RORA: variants seen among roughly 807,000 people sequenced by gnomAD.
RORA encodes the protein RAR related orphan receptor A.
Under a neutral mutation model 69.5 loss-of-function variants are expected in RORA, and 7 were observed. The observed-to-expected ratio is 0.10, with a 90% CI of 0.06 to 0.19. The LOEUF is 0.19. Among genes scored for constraint, RORA ranks in the 10% least tolerant of loss-of-function variants. RORA has a pLI of 1.00. For synonymous variants in RORA, 261 were observed against 240.8 expected (o/e 1.08, Z -0.78); for missense variants, 457 against 663.0 (o/e 0.69, Z 3.41).
chr15:60,889,008 TCA>T (rs2073782428), intron 1 of RORA, among the ~76,000 whole-genome samples: 1 of 152,222 alleles, frequency 6.6e-6, no homozygotes, highest in South Asian at 2.1e-4. Context: ...CAGAAGCTGC[TCA>T]CGCTGTTTAA....
intron 1 of RORA, among the ~76,000 whole-genome samples, chr15:60,686,061 T>G (rs1220309945): frequency 6.6e-6 from 1 of 151,956 alleles, no homozygotes; most frequent in African/African-American, 2.4e-5. Flanking sequence ...TTTTTTGAAT[T>G]CAAAAAAAAA....
At chr15:61,133,641 T>C (rs189111023) in intron 1 of RORA, among the ~76,000 whole-genome samples, 187 of 152,306 alleles carry the variant, frequency 1.2e-3, no homozygotes, top group African/African-American at 4.2e-3. Flanking sequence ...TTGGCTCGAA[T>C]GGAGGTACTC....
At chr15:60,951,384 A>C (rs900599254) in intron 1 of RORA, among the ~76,000 whole-genome samples, 4 of 145,606 alleles carry the variant, frequency 2.7e-5, no homozygotes, top group African/African-American at 1.0e-4. Context: ...AAAGAACTAG[A>C]AAAGCAAGAG....
intron 2 of RORA, among the ~76,000 whole-genome samples, chr15:60,639,364 A>ATGGTCCC (rs2069900094): frequency 6.6e-6 from 1 of 151,982 alleles, no homozygotes; most frequent in Admixed American, 6.6e-5. Context: ...TTAGAATAAC[A>ATGGTCCC]CTTAAAAGCC....
intron 1 of RORA, among the ~76,000 whole-genome samples, chr15:60,882,537 G>A (rs2073693927): frequency 6.6e-6 from 1 of 152,130 alleles, no homozygotes. Context: ...CAGTTTGGAG[G>A]TGGTAGAGCT....
intron 5 of RORA, among the ~76,000 whole-genome samples, chr15:60,506,097 C>T (rs1030424668): frequency 2.0e-5 from 3 of 152,178 alleles, no homozygotes; most frequent in African/African-American, 7.2e-5. Context: ...CTGCAAATTG[C>T]AGAACAAGCA....
At chr15:61,107,963 G>A (rs961012292) in intron 1 of RORA, among the ~76,000 whole-genome samples, 1 of 152,160 alleles carries the variant, frequency 6.6e-6, no homozygotes. Context: ...TAATAACTCT[G>A]TATTGACCAG....
intron 1 of RORA, among the ~76,000 whole-genome samples, chr15:61,104,972 G>A (rs182273410): frequency 1.1e-4 from 16 of 150,792 alleles, no homozygotes; most frequent in African/African-American, 2.0e-4. Flanking sequence ...TGTGCCTTTC[G>A]TTTTCTGCCA....
At chr15:60,838,877 CACACACACACATATACT>C (rs1408956423) in intron 1 of RORA, among the ~76,000 whole-genome samples, 1 of 75,972 alleles carries the variant, frequency 1.3e-5, no homozygotes, top group Middle Eastern at 7.7e-3. Flanking sequence ...CACACACACA[CACACACACACATATACT>C]TTTTTTTTTT....
intron 1 of RORA, among the ~76,000 whole-genome samples, chr15:60,801,274 CCCCTCCTTCGACAGCTTTAT>C (rs1235544681): frequency 6.6e-6 from 1 of 152,186 alleles, no homozygotes; most frequent in Non-Finnish European, 1.5e-5. Context: ...CTCCCCCTCC[CCCCTCCTTCGACAGCTTTAT>C]CCCAGGTTTC....
chr15:60,511,691 G>A lies in RORA; in HGVS notation c.425-70C>T. On this transcript the variant is annotated intron_variant, in intron 4 of 10. Coordinates refer to ENST00000335670, the MANE Select transcript of RORA (RefSeq NM_134261.3). This position sits in a 1 kb window ranked among gnomAD's most constrained non-coding sequence, Gnocchi z 6.4. ...TTCAATATTCTCTCCTGCGAGCTTT[G>A]GGGTTTCCTTTGAAGTCTCACACAA... 1 of 1,475,292 alleles carries A rather than the reference G, an allele frequency of 6.8e-7. No individual in the cohort carries two copies. Among genetic ancestry groups the A allele is most frequent in the Non-Finnish European group, 9.0e-7 (1 of 1,108,126 alleles). 91.4% of individuals were successfully genotyped at this position (1,475,292 alleles called of 1,614,324 possible).
intron 2 of RORA, among the ~76,000 whole-genome samples, chr15:60,538,902 T>A (rs550670310): frequency 3.7e-4 from 56 of 152,078 alleles, no homozygotes; most frequent in Admixed American, 3.3e-4. Context: ...ACAAGCCACT[T>A]CTCAAAAACT....
At chr15:60,583,901 C>G (rs572746789) in intron 2 of RORA, among the ~76,000 whole-genome samples, 1 of 152,192 alleles carries the variant, frequency 6.6e-6, no homozygotes, top group Non-Finnish European at 1.5e-5. Flanking sequence ...GTTCCCAAAC[C>G]TGTCTTATCC....
intron 1 of RORA, among the ~76,000 whole-genome samples, chr15:60,842,482 A>C (rs1043442125): frequency 2.0e-5 from 3 of 152,210 alleles, no homozygotes; most frequent in African/African-American, 7.2e-5. Flanking sequence ...TTGCTTCCTG[A>C]GTTAGTTCTC....
At chr15:60,683,868 C>T (rs1286765707) in intron 1 of RORA, among the ~76,000 whole-genome samples, 1 of 152,144 alleles carries the variant, frequency 6.6e-6, no homozygotes, top group Non-Finnish European at 1.5e-5. Context: ...GGCCATGCTT[C>T]AAAGTAAAGC....
chr15:61,219,296 T>C (rs1189569342), intron 1 of RORA, among the ~76,000 whole-genome samples: 1 of 152,240 alleles, frequency 6.6e-6, no homozygotes, highest in Non-Finnish European at 1.5e-5. Flanking sequence ...CTCATTAGGC[T>C]GGGTGTGGTG....
At chr15:61,194,021 A>T (rs1469704909) in intron 1 of RORA, 1 of 152,236 alleles carries the variant, frequency 6.6e-6, no homozygotes, top group African/African-American at 2.4e-5. Context: ...GATGCCCTTC[A>T]CTCTCTCTTG....
intron 1 of RORA, among the ~76,000 whole-genome samples, chr15:61,045,677 C>T (rs568139837): frequency 2.6e-5 from 4 of 151,936 alleles, no homozygotes; most frequent in Admixed American, 6.5e-5. Flanking sequence ...TGAGGGCAGG[C>T]CCTGGCCAGG....
chr15:60,748,402 G>A (rs1368049777), intron 1 of RORA, among the ~76,000 whole-genome samples: 1 of 151,660 alleles, frequency 6.6e-6, no homozygotes, highest in Non-Finnish European at 1.5e-5. Context: ...TGGGTCCAGA[G>A]ATTGAACCAT....
Sources: gnomAD v4.1 joint callset for allele counts (sites outside exome capture counted in the v4.1 genomes callset) on GRCh38, gnomAD v4.1.1 for gene constraint, Gnocchi (gnomAD v3.1) non-coding constraint, MANE v1.5 for transcripts, NCBI Gene and HGNC (gene_info 2026-07-23, HGNC 2026-07-21) for gene names.